ENG: variants seen among roughly 807,000 people sequenced by gnomAD.
ENG encodes CD105 antigen.
Under a neutral mutation model 71.0 loss-of-function variants are expected in ENG, and 17 were observed. The observed-to-expected ratio is 0.24, with a 90% CI of 0.16 to 0.36. ENG has a LOEUF of 0.36. ENG is among the 10% of genes least tolerant of loss of function. ENG has a pLI of 1.00. For synonymous variants in ENG, 360 were observed against 366.9 expected (o/e 0.98, Z 0.21); for missense variants, 749 against 868.3 (o/e 0.86, Z 1.73).
At chr9:127,848,151 G>A (rs977664927) in intron 1 of ENG, among the ~76,000 whole-genome samples, 3 of 152,166 alleles carry the variant, frequency 2.0e-5, no homozygotes, top group Non-Finnish European at 4.4e-5. Context: ...GGGTTGCTCA[G>A]GAACTGGTGA....
In ENG at chr9:127,819,659, G is replaced by A. The variant is rs369997021; in HGVS notation, c.1274C>T (p.Ala425Val). Residue 425 changes from alanine (A) to valine (V), a missense_variant and splice_region_variant, in exon 10 of 15, where the codon GCG becomes GTG. By Grantham distance (64) the Ala-to-Val change is moderately conservative. Transcript: ENST00000373203. ...QVSASMISNE[A>V]VVNILSSSSP... ...TGAGCTCGACAGGATATTGACCACC[G>A]CCTGCGGGGATAAAGCCAGGGAGCT... 1.2e-5 allele frequency: 19 copies of A among 1,609,324 alleles called. No individual in the cohort carries two copies. The highest frequency in any genetic ancestry group is 6.7e-5 in the South Asian group (6 of 90,142).
chr9:127,825,435 GC>G (rs1176301141), intron 5 of ENG, 78 bp from the exon 6 acceptor site: 1 of 1,592,364 alleles, frequency 6.3e-7, no homozygotes, highest in Non-Finnish European at 8.5e-7. Context: ...CGGGTGGGCG[GC>G]GGCTGCACTC....
intron 13 of ENG, 61 bp downstream of exon 13, chr9:127,817,088 G>A (rs969130007): frequency 8.7e-5 from 139 of 1,592,698 alleles, no homozygotes; most frequent in South Asian, 2.2e-4. Context: ...AGGGCTGCCC[G>A]CTGTGCCCTA....
chr9:127,833,882 T>C (rs1830830875), intron 2 of ENG, among the ~76,000 whole-genome samples: 1 of 152,248 alleles, frequency 6.6e-6, no homozygotes, highest in Admixed American at 6.5e-5. Context: ...AAGTTTCCTC[T>C]TTAAAACACA....
chr9:127,823,477 C>T (rs1159366342), intron 8 of ENG, among the ~76,000 whole-genome samples: 2 of 151,462 alleles, frequency 1.3e-5, no homozygotes, highest in African/African-American at 2.4e-5. Flanking sequence ...CAAGCTCTGC[C>T]TCCCGGGTTC....
At position 127,818,233 on chromosome 9, in the gene ENG, C is replaced by G. The variant is rs773294798; in HGVS notation, c.1573G>C (p.Glu525Gln). 1.2e-6 allele frequency: 2 copies of G among 1,614,224 alleles called. No homozygotes were observed. The highest frequency in any genetic ancestry group is 1.7e-6 in the Non-Finnish European group (2 of 1,180,042). Residue 525 changes from glutamate (E) to glutamine (Q), a missense_variant, in exon 12 of 15, where the codon GAG (glutamate) becomes CAG (glutamine). Glu to Gln is a conservative substitution (Grantham distance 29). Coordinates refer to ENST00000373203, the MANE Select transcript of ENG (RefSeq NM_001114753.3). ...AGGAAGCTGAAGCGCGGGTCACCCT[C>G]GGGGCTTGGGGACAGCAGGCTCACA... ...NCVSLLSPSP[E>Q]GDPRFSFLLH... is the part of the protein sequence containing the mutation.
rs1830950850 is a variant in ENG, at chr9:127,838,288, G to A, written c.219+4806C>T. On this transcript the variant is annotated intron_variant, in intron 2 of 14. Coordinates refer to ENST00000373203, the MANE Select transcript of ENG (RefSeq NM_001114753.3). The surrounding 1 kb of genome is among the most constrained non-coding windows in gnomAD (Gnocchi z 4.3). The stretch of plus-strand genomic sequence containing the variant: ...TAGAAGGGAGGGGTGCAGGTTTCAG[G>A]GGGGTACATCCCTTTGGCCCCACAG... Among the ~76,000 whole-genome samples the A allele has an allele frequency of 6.6e-6, 1 of 152,188 alleles. No homozygotes were observed. The highest frequency in any genetic ancestry group is 2.1e-4 in the South Asian group (1 of 4,830).
chr9:127,837,483 C>T (rs954902188), intron 2 of ENG, among the ~76,000 whole-genome samples: 1 of 152,156 alleles, frequency 6.6e-6, no homozygotes, highest in East Asian at 1.9e-4. Context: ...GGTCAGCCCA[C>T]GTGTCCTCAC....
chr9:127,843,732 C>CACATATATATATATAT (rs1554812389), intron 1 of ENG, among the ~76,000 whole-genome samples: 9 of 12,756 alleles, frequency 7.1e-4, no homozygotes, highest in African/African-American at 1.7e-3. Flanking sequence ...CACACATCCA[C>CACATATATATATATAT]ATACATATAT....
chr9:127,818,561 G>T, intron 11 of ENG, 155 bp downstream of exon 11: 1 of 1,367,294 alleles, frequency 7.3e-7, no homozygotes, highest in Non-Finnish European at 1.0e-6. Context: ...GTGTCCCTGA[G>T]CAATGCCTTC....
chr9:127,830,597 AGATT>A (rs1830740904), intron 2 of ENG, among the ~76,000 whole-genome samples: 2 of 151,714 alleles, frequency 1.3e-5, no homozygotes, highest in South Asian at 4.2e-4. Flanking sequence ...CAGTGAGCTG[AGATT>A]GCGCTATTGC....
chr9:127,828,361 T>C (rs1830675988), intron 3 of ENG, among the ~76,000 whole-genome samples: 1 of 152,124 alleles, frequency 6.6e-6, no homozygotes, highest in South Asian at 2.1e-4. Flanking sequence ...ACGACGTCTG[T>C]TGGTCGCCTG....
intron 3 of ENG, chr9:127,827,045 C>T (rs1180201002): frequency 3.4e-6 from 1 of 297,942 alleles, no homozygotes; most frequent in African/African-American, 2.2e-5. Context: ...CAACGTCTAC[C>T]TTGCCCATCC....
intron 2 of ENG, among the ~76,000 whole-genome samples, chr9:127,830,735 G>A (rs1830745911): frequency 1.3e-5 from 2 of 151,990 alleles, no homozygotes; most frequent in Non-Finnish European, 2.9e-5. Context: ...TGTGTACTGG[G>A]CCTTAGGGAG....
chr9:127,819,105 T>G (rs978179440), intron 10 of ENG: 21 of 390,836 alleles, frequency 5.4e-5, no homozygotes, highest in Admixed American at 2.9e-4. Flanking sequence ...GCCCGGCTAA[T>G]TTTTTGTATT....
intron 1 of ENG, among the ~76,000 whole-genome samples, chr9:127,852,927 T>C (rs1224216533): frequency 6.6e-6 from 1 of 151,704 alleles, no homozygotes; most frequent in Non-Finnish European, 1.5e-5. Flanking sequence ...AGGAAGAGAG[T>C]GTTACTGCAG....
In ENG at chr9:127,846,644, C is replaced by T. The variant is rs967142163; in HGVS notation, c.68-3399G>A. ...AGGTCCATTTATTTTGGGGCCTTTT[C>T]GAATCCTGGCCGCCCCCACCCCGCA... On this transcript the variant is annotated intron_variant, in intron 1 of 14. Transcript: ENST00000373203. This position sits in a 1 kb window ranked among gnomAD's most constrained non-coding sequence, Gnocchi z 5.5. 3.9e-5 allele frequency among the ~76,000 whole-genome samples: 6 copies of T among 152,142 alleles called. No homozygotes were observed. Among genetic ancestry groups the T allele is most frequent in the Non-Finnish European group, 8.8e-5 (6 of 68,018 alleles).
rs750014839 is a variant in ENG, at chr9:127,826,526, G to A, written c.507C>T (p.Leu169=). The A allele has an allele frequency of 5.3e-5, 85 of 1,614,018 alleles. 1 individual carries two copies. The South Asian group carries it at 8.9e-4, about 17-fold the overall frequency. ...AAELNDPQSI[L]LRLGQAQGSL... Reference sequence around the variant, plus strand: ...GAAACTGACCTTGGCCCAGTCGGAGGAGGATGCTCTGGGGGTCATTCAGCT... The same window carrying A: ...GAAACTGACCTTGGCCCAGTCGGAGAAGGATGCTCTGGGGGTCATTCAGCT... Residue 169 remains leucine (L), a synonymous_variant, in exon 4 of 15, where the codon CTC becomes CTT. Transcript: ENST00000373203.
rs1830375740 is a variant in ENG, at chr9:127,818,137, T to C, written c.1669A>G (p.Thr557Ala). 6.2e-7 allele frequency: 1 copy of C among 1,614,010 alleles called. No homozygotes were observed. The highest frequency in any genetic ancestry group is 1.3e-5 in the African/African-American group (1 of 74,928). Residue 557 changes from threonine to alanine, a missense_variant, in exon 12 of 15, where the codon ACC becomes GCC. Coordinates refer to ENST00000373203, the MANE Select transcript of ENG (RefSeq NM_001114753.3). ...CCACTCACCTGGTCTTGAGACCCGG[T>C]CTTGGGACGCAGGGCTACCGTGCAG... is the stretch of plus-strand genomic sequence containing the variant. Reference protein sequence around the residue: ...LSCTVALRPKTGSQDQEVHRT... With the variant: ...LSCTVALRPKAGSQDQEVHRT...
Sources: allele counts gnomAD v4.1 joint callset (sites outside exome capture counted in the v4.1 genomes callset), GRCh38; gene constraint gnomAD v4.1.1; non-coding constraint Gnocchi (gnomAD v3.1); transcripts MANE v1.5; gene names NCBI Gene and HGNC (gene_info 2026-07-23, HGNC 2026-07-21).